PML: variants seen among roughly 807,000 people sequenced by gnomAD.
PML encodes the protein protein PML.
PML carries 28 observed loss-of-function variants against 65.2 expected under a neutral mutation model. That is an observed-to-expected ratio of 0.43 (90% CI 0.32 to 0.59). The LOEUF (loss-of-function observed/expected upper bound fraction) is 0.59. Among genes scored for constraint, PML ranks in the 20% least tolerant of loss-of-function variants. The pLI, the probability that PML is intolerant of heterozygous loss-of-function variation, is 0.08. For missense variants in PML, 1,021 were observed against 1,203.4 expected, an observed-to-expected ratio of 0.85 and a Z score of 2.24; for synonymous variants, 500 against 508.8, an observed-to-expected ratio of 0.98 and a Z score of 0.23.
At chr15:74,010,037 C>T (rs1013626158) in intron 2 of PML, among the ~76,000 whole-genome samples, 14 of 151,624 alleles carry the variant, frequency 9.2e-5, no homozygotes, top group Admixed American at 9.2e-4. Flanking sequence ...TTTTTTGAGA[C>T]AGGGACTTGC....
chr15:74,043,331 C>G lies in PML; in HGVS notation c.1861+192C>G. 6.8e-7 allele frequency: 1 copy of G among 1,460,176 alleles called. No individual in the cohort carries two copies. Among genetic ancestry groups the G allele is most frequent in the Non-Finnish European group, 9.0e-7 (1 of 1,113,374 alleles). 90.5% of individuals were successfully genotyped at this position (1,460,176 alleles called of 1,614,324 possible). The stretch of plus-strand genomic sequence containing the variant: ...CATTTGCTGGCTTGAATAAAGATGT[C>G]CGCCTTATCCAGTGCCTGAGTGTGC... On this transcript the variant is annotated intron_variant, in intron 8 of 8. Transcript: ENST00000268058. The surrounding 1 kb of genome is among the most constrained non-coding windows in gnomAD (Gnocchi z 4.3).
chr15:74,019,900 G>A (rs2070759561), intron 2 of PML, among the ~76,000 whole-genome samples: 1 of 152,198 alleles, frequency 6.6e-6, no homozygotes, highest in African/African-American at 2.4e-5. Context: ...TGTATGGGTG[G>A]ATCATAATTT....
In PML at chr15:74,043,104, C is replaced by G. The variant is rs757172711; in HGVS notation, c.1826C>G (p.Pro609Arg). Reference protein sequence around the residue: ...NLADPQAEDRPLVFFDLKIDN... With the variant: ...NLADPQAEDRRLVFFDLKIDN... ...GCTGACCCCCAAGCAGAAGACAGACCTCTGGTTTTCTTTGACCTCAAGATT... is the reference window on the plus strand; with the variant it reads ...GCTGACCCCCAAGCAGAAGACAGACGTCTGGTTTTCTTTGACCTCAAGATT... The change falls in exon 8 of 9, where the codon CCT becomes CGT. Residue 609 changes from proline to arginine, a missense_variant. Transcript: ENST00000268058. This position sits in a 1 kb window ranked among gnomAD's most constrained non-coding sequence, Gnocchi z 4.3. 10 of 1,613,372 alleles carry G rather than the reference C, an allele frequency of 6.2e-6. No individual in the cohort carries two copies. The highest frequency in any genetic ancestry group is 5.1e-6 in the Non-Finnish European group (6 of 1,179,896).
chr15:73,997,696 G>T (rs1872703817), intron 1 of PML, among the ~76,000 whole-genome samples: 1 of 152,138 alleles, frequency 6.6e-6, no homozygotes, highest in Non-Finnish European at 1.5e-5. Flanking sequence ...TATGAGGTTG[G>T]TACTTAGTGT....
Position 74,017,422 on chromosome 15 carries a change from G to A in PML, c.603-5406G>A, listed in dbSNP as rs1438390763. On this transcript the variant is annotated intron_variant, in intron 2 of 8. Transcript: ENST00000268058. ...AGCACTTTGGGAGGCAGGGGCTGGCGGATCACCTGAGGTCAGGAGATCGAG... is the reference window on the plus strand; with the variant it reads ...AGCACTTTGGGAGGCAGGGGCTGGCAGATCACCTGAGGTCAGGAGATCGAG... Among the ~76,000 whole-genome samples the A allele has an allele frequency of 3.9e-5, 6 of 152,166 alleles. No individual in the cohort carries two copies. The South Asian group carries it at 8.3e-4, about 21-fold the overall frequency.
chr15:74,022,252 C>T (rs553780012), intron 2 of PML, among the ~76,000 whole-genome samples: 2 of 152,296 alleles, frequency 1.3e-5, no homozygotes, highest in South Asian at 2.1e-4. Context: ...CCACCGCGCC[C>T]GGCCGATTTC....
chr15:74,023,289 C>CGCTCTGCCGCCTGCGCCAGGA lies in PML; in HGVS notation c.1066_1086dup (p.Leu356_Glu362dup). ...GACATGCACGGTTTCCTGCGCCAGG[C>CGCTCTGCCGCCTGCGCCAGGA]GCTCTGCCGCCTGCGCCAGGAGGAG... On this transcript the variant is annotated inframe_insertion, in exon 3 of 9. Transcript: ENST00000268058. 1 of 1,609,790 alleles carries CGCTCTGCCGCCTGCGCCAGGA rather than the reference C, an allele frequency of 6.2e-7. No homozygotes were observed. Among genetic ancestry groups the CGCTCTGCCGCCTGCGCCAGGA allele is most frequent in the Non-Finnish European group, 8.5e-7 (1 of 1,179,554 alleles).
rs1482620407 is a variant in PML at position 74,037,668 on chromosome 15, C to G, written c.1710+3138C>G. On this transcript the variant is annotated intron_variant, in intron 7 of 8. Transcript: ENST00000268058. This position sits in a 1 kb window ranked among gnomAD's most constrained non-coding sequence, Gnocchi z 4.2. ...AGTGTCGCGTTTAGTCGTTATTATT[C>G]TTGACCGGCGCTGGGCCCGGTCTTT... 1 of 985,390 alleles carries G rather than the reference C, an allele frequency of 1.0e-6. No individual in the cohort carries two copies. Among genetic ancestry groups the G allele is most frequent in the East Asian group, 1.1e-4 (1 of 8,802 alleles). The allele number at this position is 985,390 out of a possible 1,614,324, so 61.0% of individuals were successfully genotyped here. A position where few individuals can be genotyped will look rare whatever the true frequency, so the allele number is the denominator to read the frequency against.
Position 74,022,976 on chromosome 15 carries a change from G to A in PML, c.751G>A (p.Asp251Asn), listed in dbSNP as rs769861444. The change falls in exon 3 of 9, where the codon GAT becomes AAT. Residue 251 changes from aspartate to asparagine, a missense_variant. Transcript: ENST00000268058. ...CATGACGCAGGCGCTGCAGGAGCAG[G>A]ATAGTGCCTTTGGCGCGGTTCACGC... ...DAMTQALQEQ[D>N]SAFGAVHAQM... 1.9e-6 allele frequency: 3 copies of A among 1,610,502 alleles called. No homozygotes were observed. In the African/African-American group the frequency reaches 4.0e-5, roughly 22 times the overall value.
rs759218798 is a variant in PML at position 74,044,893 on chromosome 15, C to T, written c.2534C>T (p.Ala845Val). The T allele has an allele frequency of 4.3e-6, 7 of 1,613,598 alleles. No homozygotes were observed. The highest frequency in any genetic ancestry group is 1.1e-5 in the South Asian group (1 of 91,090). ...GCCCAGCCTGCTTTCAACCTGCAGG[C>T]TCTGGGCACCTACTTTGAAGGCCTG... is the stretch of plus-strand genomic sequence containing the variant. ...PPAQPAFNLQ[A>V]LGTYFEGLLE... The change falls in exon 9 of 9, where the codon GCT (alanine) becomes GTT (valine). Residue 845 changes from alanine (A) to valine (V), a missense_variant. Coordinates refer to ENST00000268058, the MANE Select transcript of PML (RefSeq NM_033238.3).
At chr15:74,040,597 T>G (rs1159251233) in intron 7 of PML, among the ~76,000 whole-genome samples, 3 of 152,172 alleles carry the variant, frequency 2.0e-5, no homozygotes, top group Non-Finnish European at 2.9e-5. Context: ...GAAAGTCTTG[T>G]TTAAATGCGT....
intron 2 of PML, among the ~76,000 whole-genome samples, chr15:74,013,625 C>T (rs8039584): frequency 0.05 from 7,632 of 152,258 alleles, 250 homozygotes; most frequent in African/African-American, 0.09. Context: ...TTTGGCATGA[C>T]TGAATAGAAG....
intron 7 of PML, chr15:74,034,921 G>A: frequency 6.9e-7 from 1 of 1,442,138 alleles, no homozygotes; most frequent in Non-Finnish European, 9.1e-7. Flanking sequence ...GGGGTGTCAG[G>A]CCACAGGGCA....
At chr15:74,025,099 G>C in intron 4 of PML, 172 bp downstream of exon 4, 1 of 619,550 alleles carries the variant, frequency 1.6e-6, no homozygotes, top group Non-Finnish European at 3.0e-6. Flanking sequence ...AGAAGGGTTG[G>C]CTGGCTAGCT....
chr15:74,035,745 G>C lies in PML; in HGVS notation c.1710+1215G>C. 1 of 1,614,164 alleles carries C rather than the reference G, an allele frequency of 6.2e-7. No homozygotes were observed. Among genetic ancestry groups the C allele is most frequent in the Non-Finnish European group, 8.5e-7 (1 of 1,180,018 alleles). The stretch of plus-strand genomic sequence containing the variant: ...CTTCTCCTCCATGGCTTCCCAGCTT[G>C]ACATGTCTTCCGTGGTGGGGGCAGG... On this transcript the variant is annotated intron_variant, in intron 7 of 8. Coordinates refer to ENST00000268058, the MANE Select transcript of PML (RefSeq NM_033238.3). The surrounding 1 kb of genome is among the most constrained non-coding windows in gnomAD (Gnocchi z 4.1).
intron 2 of PML, among the ~76,000 whole-genome samples, chr15:74,011,819 C>T (rs1643485352): frequency 6.6e-6 from 1 of 152,180 alleles, no homozygotes; most frequent in Non-Finnish European, 1.5e-5. Context: ...CAGGAGCTTC[C>T]CAAAAGGGAG....
chr15:74,017,585 G>C (rs2070652624), intron 2 of PML, among the ~76,000 whole-genome samples: 1 of 152,088 alleles, frequency 6.6e-6, no homozygotes, highest in South Asian at 2.1e-4. Flanking sequence ...GGAGGTGGAG[G>C]TTGCAATGAG....
chr15:74,010,260 T>G (rs2141771253), intron 2 of PML, among the ~76,000 whole-genome samples: 1 of 142,276 alleles, frequency 7.0e-6, no homozygotes, highest in East Asian at 2.2e-4. Context: ...CTCAAACTAC[T>G]GAGCTCAGGC....
chr15:74,036,932 C>T, intron 7 of PML: 2 of 985,378 alleles, frequency 2.0e-6, no homozygotes, highest in Non-Finnish European at 2.4e-6. Context: ...AGCTCTCAGT[C>T]CTACCTTCGC....
Sources: gnomAD v4.1 joint callset for allele counts (sites outside exome capture counted in the v4.1 genomes callset) on GRCh38, gnomAD v4.1.1 for gene constraint, Gnocchi (gnomAD v3.1) non-coding constraint, MANE v1.5 for transcripts, NCBI Gene and HGNC (gene_info 2026-07-23, HGNC 2026-07-21) for gene names.